CIMIP6: variants seen among roughly 807,000 people sequenced by gnomAD.
CIMIP6 encodes uncharacterized protein C2orf73.
chr2:54,371,967 T>A, the CIMIP6 span, among the ~76,000 whole-genome samples: 2 of 152,240 alleles, frequency 1.3e-5, no homozygotes, highest in Non-Finnish European at 2.9e-5. Flanking sequence ...CTACATCAGA[T>A]GTCCTAGGAA....
At chr2:54,362,219 G>C in the CIMIP6 span, among the ~76,000 whole-genome samples, 1 of 152,078 alleles carries the variant, frequency 6.6e-6, no homozygotes, top group East Asian at 1.9e-4. Context: ...AGGAATCCCT[G>C]TTAAAGATAG....
At chr2:54,360,003 A>G in the CIMIP6 span, among the ~76,000 whole-genome samples, 1 of 152,172 alleles carries the variant, frequency 6.6e-6, no homozygotes, top group Non-Finnish European at 1.5e-5. Context: ...TCATTTTCTG[A>G]TGCACCCTAT....
chr2:54,380,765 A>G, the CIMIP6 span, among the ~76,000 whole-genome samples: 1 of 152,196 alleles, frequency 6.6e-6, no homozygotes. Context: ...AGACATACAC[A>G]TACGCATGAT....
chr2:54,360,635 AT>A, the CIMIP6 span: 1 of 1,378,754 alleles, frequency 7.3e-7, no homozygotes, highest in Non-Finnish European at 9.6e-7. Context: ...TGGCCCTCAC[AT>A]TTACTTTTCT....
the CIMIP6 span, among the ~76,000 whole-genome samples, chr2:54,368,463 G>A: frequency 3.9e-5 from 6 of 152,208 alleles, no homozygotes; most frequent in African/African-American, 1.4e-4. Context: ...TAACCCTAGT[G>A]CATGCCTATG....
At chr2:54,360,423 A>T in the CIMIP6 span, 422 of 1,601,110 alleles carry the variant, frequency 2.6e-4, 1 homozygote, top group Middle Eastern at 6.1e-3. Flanking sequence ...TCAGAAACAG[A>T]CGTCAGACAG....
At chr2:54,364,551 C>T in the CIMIP6 span, among the ~76,000 whole-genome samples, 1 of 152,170 alleles carries the variant, frequency 6.6e-6, no homozygotes, top group Non-Finnish European at 1.5e-5. Context: ...TTACAGAGAA[C>T]ATAAATGATT....
At chr2:54,343,791 G>C in the CIMIP6 span, 2 of 1,613,090 alleles carry the variant, frequency 1.2e-6, no homozygotes, top group African/African-American at 1.3e-5. Context: ...AGAGCACCCA[G>C]AGGAGTGACT....
the CIMIP6 span, among the ~76,000 whole-genome samples, chr2:54,351,838 A>C: frequency 6.6e-6 from 1 of 152,222 alleles, no homozygotes; most frequent in East Asian, 1.9e-4. Flanking sequence ...TTACAAGAAA[A>C]ACTTAAAGCT....
chr2:54,372,629 T>A, the CIMIP6 span, among the ~76,000 whole-genome samples: 11 of 152,142 alleles, frequency 7.2e-5, no homozygotes, highest in Non-Finnish European at 1.2e-4. Flanking sequence ...ACCAGCAGTC[T>A]TGGCAGAGTC....
the CIMIP6 span, chr2:54,343,734 A>C: frequency 6.3e-7 from 1 of 1,595,736 alleles, no homozygotes. Flanking sequence ...ACTGGTGGTC[A>C]CATGGTAAAG....
the CIMIP6 span, among the ~76,000 whole-genome samples, chr2:54,376,020 A>G: frequency 6.6e-6 from 1 of 152,102 alleles, no homozygotes; most frequent in Non-Finnish European, 1.5e-5. Flanking sequence ...TTTTACAGTG[A>G]CAAAAATTGT....
the CIMIP6 span, among the ~76,000 whole-genome samples, chr2:54,370,365 G>A: frequency 5.9e-5 from 9 of 151,974 alleles, no homozygotes; most frequent in Admixed American, 3.3e-4. Context: ...CAAGAGTGTT[G>A]TGGAAATTAT....
At chr2:54,364,853 TA>T in the CIMIP6 span, among the ~76,000 whole-genome samples, 1 of 152,202 alleles carries the variant, frequency 6.6e-6, no homozygotes, top group Non-Finnish European at 1.5e-5. Flanking sequence ...AAATGTAGGA[TA>T]AAATATAACA....
At chr2:54,361,964 C>T in the CIMIP6 span, among the ~76,000 whole-genome samples, 1 of 152,194 alleles carries the variant, frequency 6.6e-6, no homozygotes, top group Non-Finnish European at 1.5e-5. Context: ...GACTCCACTC[C>T]ACTCATATAA....
At chr2:54,374,126 C>T in the CIMIP6 span, among the ~76,000 whole-genome samples, 2 of 152,200 alleles carry the variant, frequency 1.3e-5, no homozygotes, top group African/African-American at 2.4e-5. Context: ...TAGCCTGTAC[C>T]GTACTGTGCA....
chr2:54,363,130 T>C, the CIMIP6 span, among the ~76,000 whole-genome samples: 3 of 152,232 alleles, frequency 2.0e-5, no homozygotes, highest in Non-Finnish European at 4.4e-5. Flanking sequence ...AACTTTTGTT[T>C]GTTGAGTGTG....
At chr2:54,381,550 C>T in the CIMIP6 span, among the ~76,000 whole-genome samples, 3 of 152,224 alleles carry the variant, frequency 2.0e-5, no homozygotes, top group African/African-American at 4.8e-5. Flanking sequence ...CAAAGGTATA[C>T]AGCTAGCGAG....
the CIMIP6 span, among the ~76,000 whole-genome samples, chr2:54,378,564 T>C: frequency 3.3e-5 from 5 of 152,168 alleles, no homozygotes; most frequent in Non-Finnish European, 7.3e-5. Flanking sequence ...AAATATTGTC[T>C]AGAAAGGAAG....
Sources: gnomAD v4.1 joint callset for allele counts (sites outside exome capture counted in the v4.1 genomes callset) on GRCh38, gnomAD v4.1.1 for gene constraint, MANE v1.5 for transcripts, NCBI Gene and HGNC (gene_info 2026-07-23, HGNC 2026-07-21) for gene names.